NEMF: variants seen among roughly 807,000 people sequenced by gnomAD.
NEMF encodes ribosome quality control complex subunit NEMF.
Under a neutral mutation model 162.2 loss-of-function variants are expected in NEMF, and 89 were observed. That is an observed-to-expected ratio of 0.55 (90% CI 0.46 to 0.65). The LOEUF is 0.65. Ranked by LOEUF, NEMF falls within the 30% of genes least tolerant of loss-of-function variation. NEMF has a pLI of 0.00. For synonymous variants in NEMF, 421 were observed against 404.5 expected (o/e 1.04, Z -0.49); for missense variants, 1,133 against 1,261.9 (o/e 0.90, Z 1.55).
chr14:49,841,514 C>T (rs914558036), intron 4 of NEMF, among the ~76,000 whole-genome samples: 1 of 138,148 alleles, frequency 7.2e-6, no homozygotes, highest in Non-Finnish European at 1.5e-5. Context: ...GTGGAGGTTG[C>T]AGTGAGCTGA....
chr14:49,831,605 T>C (rs1281531784), intron 10 of NEMF, among the ~76,000 whole-genome samples: 2 of 152,074 alleles, frequency 1.3e-5, no homozygotes, highest in African/African-American at 4.8e-5. Context: ...ACACCGCTAA[T>C]TTTTGTAGTT....
chr14:49,805,948 A>C, intron 19 of NEMF, 73 bp downstream of exon 19: 4 of 841,890 alleles, frequency 4.8e-6, no homozygotes, highest in Non-Finnish European at 5.6e-6. Flanking sequence ...TGCTTTATTT[A>C]CTTCTATACT....
At chr14:49,785,033 T>C in intron 31 of NEMF, 29 bp from the exon 32 acceptor site, 1 of 1,608,530 alleles carries the variant, frequency 6.2e-7, no homozygotes, top group Non-Finnish European at 8.5e-7. Context: ...GTAAGAATAA[T>C]CTACTGTTAA....
chr14:49,820,517 C>G (rs1354599423), intron 16 of NEMF: 1 of 456,270 alleles, frequency 2.2e-6, no homozygotes, highest in Non-Finnish European at 4.4e-6. Flanking sequence ...GCCTATAATC[C>G]CGGCACTTTG....
chr14:49,828,126 C>G (rs1420873064), intron 15 of NEMF, among the ~76,000 whole-genome samples, 165 bp downstream of exon 15: 1 of 152,140 alleles, frequency 6.6e-6, no homozygotes, highest in Admixed American at 6.5e-5. Context: ...AGGGGAGGAG[C>G]AGTCCTGGGG....
At position 49,852,679 on chromosome 14, in the gene NEMF, A is replaced by C. The variant is rs758703981; in HGVS notation, c.59+16T>G. On this transcript the variant is annotated intron_variant, in intron 1 of 32. Coordinates refer to ENST00000298310, the MANE Select transcript of NEMF (RefSeq NM_004713.6). The stretch of plus-strand genomic sequence containing the variant: ...CTGCACTCCCCACACGAGCCTCGTC[A>C]CTTAGGGTACTGTACCTAGCATTCA... 1 of 1,614,104 alleles carries C rather than the reference A, an allele frequency of 6.2e-7. No homozygotes were observed. The highest frequency in any genetic ancestry group is 1.7e-5 in the Admixed American group (1 of 60,024).
intron 16 of NEMF, among the ~76,000 whole-genome samples, chr14:49,821,608 G>A (rs1310872695): frequency 3.3e-5 from 3 of 90,126 alleles, no homozygotes; most frequent in African/African-American, 8.0e-5. Context: ...CCCCCCGCCC[G>A]GCCAGCTGCC....
At chr14:49,819,115 GA>G (rs1291306626) in intron 16 of NEMF, among the ~76,000 whole-genome samples, 4 of 151,776 alleles carry the variant, frequency 2.6e-5, no homozygotes, top group Admixed American at 2.0e-4. Context: ...GTCTCCAAAA[GA>G]AAAAAAGAAA....
intron 5 of NEMF, among the ~76,000 whole-genome samples, chr14:49,838,608 G>A (rs1365278384): frequency 2.2e-5 from 3 of 137,786 alleles, no homozygotes; most frequent in South Asian, 2.3e-4. Flanking sequence ...TTTTTGAGAC[G>A]GCATCTTGCT....
chr14:49,814,767 T>C lies in NEMF; in HGVS notation c.1668A>G (p.Arg556=), dbSNP rs369205129. 1 of 1,578,720 alleles carries C rather than the reference T, an allele frequency of 6.3e-7. No homozygotes were observed. Among genetic ancestry groups the C allele is most frequent in the South Asian group, 1.2e-5 (1 of 85,028 alleles). ...AATCTTACCTACCTGGTGTCAAGTA[T>C]CTTTTCACAATTATTTCATTCTGTT... ...DQQQNEIIVK[R]YLTPGDIYVH... The change falls in exon 17 of 33, where the codon AGA becomes AGG. Residue 556 remains arginine (R), a synonymous_variant. Coordinates refer to ENST00000298310, the MANE Select transcript of NEMF (RefSeq NM_004713.6).
chr14:49,807,507 C>A (rs1191386061), intron 18 of NEMF, among the ~76,000 whole-genome samples: 1 of 151,280 alleles, frequency 6.6e-6, no homozygotes, highest in Non-Finnish European at 1.5e-5. Flanking sequence ...ATTCTATGTT[C>A]TCCACCATCA....
chr14:49,806,325 A>G (rs10134328), intron 18 of NEMF, among the ~76,000 whole-genome samples, 192 bp from the exon 19 acceptor site: 124,034 of 128,044 alleles, frequency 0.97, 60,262 homozygotes, highest in East Asian at 1. Context: ...GCAATGGCGC[A>G]ATCTCAGCTC....
At chr14:49,791,692 G>A (rs1393784050) in intron 26 of NEMF, among the ~76,000 whole-genome samples, 6 of 149,838 alleles carry the variant, frequency 4.0e-5, no homozygotes, top group East Asian at 2.0e-4. Flanking sequence ...AGCCGAGATC[G>A]CGCCACCGCA....
intron 18 of NEMF, among the ~76,000 whole-genome samples, chr14:49,812,451 G>A (rs1474723642): frequency 6.6e-6 from 1 of 151,574 alleles, no homozygotes; most frequent in Non-Finnish European, 1.5e-5. Flanking sequence ...CCTTCTCCTT[G>A]CTTTGGGTTG....
intron 4 of NEMF, among the ~76,000 whole-genome samples, chr14:49,842,541 T>C (rs952610567): frequency 2.0e-5 from 3 of 152,208 alleles, no homozygotes; most frequent in South Asian, 2.1e-4. Context: ...GAAGCATCCA[T>C]GAAAACAGTC....
At chr14:49,813,381 C>T (rs150487330) in intron 18 of NEMF, among the ~76,000 whole-genome samples, 2 of 152,236 alleles carry the variant, frequency 1.3e-5, no homozygotes, top group African/African-American at 4.8e-5. Context: ...TATGGTGCTG[C>T]TATTAAGTAG....
intron 5 of NEMF, chr14:49,839,621 A>G (rs1425889642): frequency 6.6e-6 from 1 of 152,244 alleles, no homozygotes; most frequent in Non-Finnish European, 1.5e-5. Flanking sequence ...CCCTCTGCAC[A>G]AGATATCCAT....
At chr14:49,845,809 T>A (rs1303937819) in intron 4 of NEMF, among the ~76,000 whole-genome samples, 1 of 152,220 alleles carries the variant, frequency 6.6e-6, no homozygotes. Context: ...TCACTATACA[T>A]ACAGCGCATC....
At chr14:49,834,529 C>T (rs1892803682) in intron 6 of NEMF, 80 bp from the exon 7 acceptor site, 1 of 1,027,946 alleles carries the variant, frequency 9.7e-7, no homozygotes, top group Non-Finnish European at 1.5e-6. Context: ...GGAGTTTTAC[C>T]CGTCGCCCAG....
Sources: allele counts gnomAD v4.1 joint callset (sites outside exome capture counted in the v4.1 genomes callset), GRCh38; gene constraint gnomAD v4.1.1; transcripts MANE v1.5; gene names NCBI Gene and HGNC (gene_info 2026-07-23, HGNC 2026-07-21).